Variants in AGBL1 observed in about 807,000 individuals in gnomAD.
AGBL1 encodes cytosolic carboxypeptidase 4.
AGBL1 carries 130 observed loss-of-function variants against 118.9 expected under a neutral mutation model. The ratio of observed to expected loss-of-function variants is 1.09; its 90% CI spans 0.95 to 1.26. The LOEUF (loss-of-function observed/expected upper bound fraction) is 1.26. AGBL1 is among the 50% of genes most tolerant of loss of function. AGBL1 has a pLI of 0.00. For synonymous variants in AGBL1, 555 were observed against 478.9 expected (o/e 1.16, Z -2.08); for missense variants, 1,584 against 1,298.1 (o/e 1.22, Z -3.38).
intron 17 of AGBL1, among the ~76,000 whole-genome samples, chr15:86,306,603 T>TA (rs1829281678): frequency 6.6e-6 from 1 of 152,212 alleles, no homozygotes; most frequent in African/African-American, 2.4e-5. Flanking sequence ...TTAGCTATTG[T>TA]AAAAACAGTG....
At chr15:86,840,318 T>C (rs186875779) in intron 22 of AGBL1, among the ~76,000 whole-genome samples, 3 of 152,328 alleles carry the variant, frequency 2.0e-5, no homozygotes, top group African/African-American at 7.2e-5. Flanking sequence ...GGTAACATTT[T>C]AGTAAGTTGA....
downstream of AGBL1, among the ~76,000 whole-genome samples, chr15:87,030,345 C>G (rs933843550): frequency 1.1e-4 from 17 of 152,072 alleles, no homozygotes; most frequent in Admixed American, 9.2e-4. Flanking sequence ...AATACCCAAT[C>G]GTTTTAAGAA....
At chr15:86,237,103 A>G (rs1597603445) in intron 6 of AGBL1, among the ~76,000 whole-genome samples, 11 of 152,162 alleles carry the variant, frequency 7.2e-5, no homozygotes, top group Admixed American at 7.2e-4. Flanking sequence ...CTTTCCTGCT[A>G]GACAAGAAAC....
chr15:86,581,901 T>C (rs2084177308), intron 21 of AGBL1, among the ~76,000 whole-genome samples: 1 of 152,186 alleles, frequency 6.6e-6, no homozygotes, highest in South Asian at 2.1e-4. Context: ...ATTATGAGGA[T>C]CTTATGTAAT....
At chr15:86,706,365 T>TA (rs1176174653) in intron 22 of AGBL1, among the ~76,000 whole-genome samples, 1 of 152,058 alleles carries the variant, frequency 6.6e-6, no homozygotes, top group African/African-American at 2.4e-5. Context: ...CTCTATTTAA[T>TA]AAAAAATCAT....
At chr15:86,360,344 G>A (rs1016722688) in intron 17 of AGBL1, among the ~76,000 whole-genome samples, 4 of 147,080 alleles carry the variant, frequency 2.7e-5, no homozygotes, top group Non-Finnish European at 6.0e-5. Flanking sequence ...TGTTAATGTG[G>A]TGTATCACAT....
chr15:86,628,755 C>A (rs538936664), intron 21 of AGBL1, among the ~76,000 whole-genome samples: 2 of 152,042 alleles, frequency 1.3e-5, no homozygotes, highest in African/African-American at 4.8e-5. Flanking sequence ...GAGATTGCAC[C>A]ACTGAACTCC....
chr15:86,929,617 A>G (rs1479659767), intron 23 of AGBL1, among the ~76,000 whole-genome samples: 1 of 152,236 alleles, frequency 6.6e-6, no homozygotes, highest in African/African-American at 2.4e-5. Flanking sequence ...CAGTGCCCAG[A>G]GGTTCCTTTC....
At chr15:86,920,622 G>A (rs1028763358), downstream of AGBL1, among the ~76,000 whole-genome samples, 1 of 152,152 alleles carries the variant, frequency 6.6e-6, no homozygotes, top group Non-Finnish European at 1.5e-5. Context: ...CCAAGTGCTA[G>A]GAACAGTTTA....
At chr15:86,350,688 TTAGC>T (rs1384762590) in intron 17 of AGBL1, among the ~76,000 whole-genome samples, 1 of 152,130 alleles carries the variant, frequency 6.6e-6, no homozygotes, top group Non-Finnish European at 1.5e-5. Flanking sequence ...CTCTGTTGAG[TTAGC>T]TAGTTTCAGA....
chr15:86,128,667 A>G (rs2076779825), intron 1 of AGBL1, among the ~76,000 whole-genome samples: 1 of 152,186 alleles, frequency 6.6e-6, no homozygotes, highest in African/African-American at 2.4e-5. Flanking sequence ...AGAAGTTTGT[A>G]TGTAAGTTAT....
rs115231307 is a variant in AGBL1 at position 86,100,432 on chromosome 15, G to T, written c.51+20409G>T. Among the ~76,000 whole-genome samples, 431 of 152,230 alleles carry T rather than the reference G, an allele frequency of 2.8e-3. 2 individuals are homozygous for T. Among genetic ancestry groups the T allele is most frequent in the African/African-American group, 0.01 (422 of 41,544 alleles). On this transcript the variant is annotated intron_variant, in intron 1 of 22. Coordinates refer to ENST00000614907, the MANE Select transcript of AGBL1 (RefSeq NM_001386094.1). ...TGTTAGTTTGGTAGAATTCAGCAGTGAAGCCATCCAGTCCTGGGTTTTTCT... is the reference window on the plus strand; with the variant it reads ...TGTTAGTTTGGTAGAATTCAGCAGTTAAGCCATCCAGTCCTGGGTTTTTCT...
intron 17 of AGBL1, among the ~76,000 whole-genome samples, chr15:86,342,611 G>A (rs753148656): frequency 1.6e-4 from 25 of 152,154 alleles, no homozygotes; most frequent in Non-Finnish European, 2.8e-4. Flanking sequence ...AGAGGGACAG[G>A]ATGATGAATA....
intron 22 of AGBL1, among the ~76,000 whole-genome samples, chr15:86,879,068 C>CAGA (rs1467370377): frequency 6.6e-6 from 1 of 152,212 alleles, no homozygotes; most frequent in African/African-American, 2.4e-5. Context: ...TCCCAGAAGG[C>CAGA]AGAAGTCTTT....
At chr15:86,177,025 T>C (rs938381714) in intron 5 of AGBL1, among the ~76,000 whole-genome samples, 3 of 152,202 alleles carry the variant, frequency 2.0e-5, no homozygotes, top group Non-Finnish European at 2.9e-5. Flanking sequence ...GGTAGCCATC[T>C]TGAAGTCTCT....
At chr15:86,593,959 G>A (rs1402011210) in intron 21 of AGBL1, among the ~76,000 whole-genome samples, 2 of 150,750 alleles carry the variant, frequency 1.3e-5, no homozygotes, top group Admixed American at 6.6e-5. Context: ...GTTTTGCTCT[G>A]TCACTCAGGT....
intron 21 of AGBL1, among the ~76,000 whole-genome samples, chr15:86,601,306 G>C (rs1344239040): frequency 2.0e-5 from 3 of 152,278 alleles, no homozygotes; most frequent in Admixed American, 2.0e-4. Flanking sequence ...AATTTTGAAA[G>C]TGACTGGGCA....
intron 17 of AGBL1, among the ~76,000 whole-genome samples, chr15:86,386,849 T>C (rs1245199781): frequency 6.6e-6 from 1 of 152,186 alleles, no homozygotes; most frequent in Non-Finnish European, 1.5e-5. Flanking sequence ...TTATAGTGCC[T>C]GTTGCATCAC....
At chr15:86,826,753 C>A (rs2141401774) in intron 22 of AGBL1, among the ~76,000 whole-genome samples, 1 of 152,138 alleles carries the variant, frequency 6.6e-6, no homozygotes, top group African/African-American at 2.4e-5. Flanking sequence ...TTGAGAAGTT[C>A]AGTGGTGGGT....
Sources: gnomAD v4.1 joint callset for allele counts (sites outside exome capture counted in the v4.1 genomes callset) on GRCh38, gnomAD v4.1.1 for gene constraint, MANE v1.5 for transcripts, NCBI Gene and HGNC (gene_info 2026-07-23, HGNC 2026-07-21) for gene names.